LHX6: variants seen among roughly 807,000 people sequenced by gnomAD.
LHX6 encodes the protein LIM/homeobox protein Lhx6.
LHX6 carries 15 observed loss-of-function variants against 47.1 expected under a neutral mutation model. The ratio of observed to expected loss-of-function variants is 0.32; its 90% CI spans 0.21 to 0.49. The LOEUF is 0.49. LHX6 is among the 20% of genes least tolerant of loss of function. The pLI is 0.99. For synonymous variants in LHX6, 242 were observed against 233.5 expected (o/e 1.04, Z -0.33); for missense variants, 404 against 539.6 (o/e 0.75, Z 2.49).
chr9:122,208,834 TAAAAAAAA>T (rs34355404), intron 9 of LHX6, among the ~76,000 whole-genome samples: 5 of 117,298 alleles, frequency 4.3e-5, no homozygotes, highest in Non-Finnish European at 1.7e-5. Flanking sequence ...AAACTCTGTC[TAAAAAAAA>T]AAAAAAAAAA....
chr9:122,224,314 C>T (rs559415590), intron 4 of LHX6, among the ~76,000 whole-genome samples: 2 of 152,160 alleles, frequency 1.3e-5, no homozygotes, highest in Non-Finnish European at 2.9e-5. Flanking sequence ...TGTGAGCCAC[C>T]ACACCCGGCC....
intron 1 of LHX6, chr9:122,228,188 C>T: frequency 1.5e-6 from 2 of 1,360,334 alleles, no homozygotes; most frequent in South Asian, 1.2e-5. Context: ...GAGGGCCAGT[C>T]GGAGGGAAAC....
At chr9:122,221,638 C>T (rs1588356464) in intron 4 of LHX6, 1 of 985,398 alleles carries the variant, frequency 1.0e-6, no homozygotes, top group Non-Finnish European at 1.2e-6. Flanking sequence ...GGCAGGAGGG[C>T]CAGGGACCGC....
intron 1 of LHX6, 180 bp downstream of exon 1, chr9:122,228,477 C>G: frequency 7.3e-7 from 1 of 1,361,942 alleles, no homozygotes; most frequent in Non-Finnish European, 9.4e-7. Flanking sequence ...TGTGTTCCCG[C>G]TTTCCGCGAC....
At chr9:122,227,756 C>T (rs932701551) in intron 1 of LHX6, 2 of 512,124 alleles carry the variant, frequency 3.9e-6, no homozygotes, top group East Asian at 7.9e-5. Flanking sequence ...CAATCCAAGC[C>T]TCTGAGGGGG....
At position 122,217,192 on chromosome 9, in the gene LHX6, G is replaced by A. The variant is rs116345380; in HGVS notation, c.558C>T (p.Phe186=). 30 of 1,614,232 alleles carry A rather than the reference G, an allele frequency of 1.9e-5. No individual in the cohort carries two copies. In the African/African-American group the frequency reaches 3.5e-4, roughly 19 times the overall value. The stretch of plus-strand genomic sequence containing the variant: ...GCTGGCGCTTGCACGAGAAGCAGGC[G>A]AAGCAGGCCAGGTGGTAGGCGTTGC... ...ARGNAYHLAC[F]ACFSCKRQLS... Residue 186 remains phenylalanine, a synonymous_variant, in exon 5 of 10, where the codon TTC becomes TTT. Coordinates refer to ENST00000394319, the MANE Select transcript of LHX6 (RefSeq NM_014368.5). The surrounding 1 kb of genome is among the most constrained non-coding windows in gnomAD (Gnocchi z 4.9).
At chr9:122,206,630 A>T (rs2118821076) in intron 9 of LHX6, among the ~76,000 whole-genome samples, 1 of 152,320 alleles carries the variant, frequency 6.6e-6, no homozygotes, top group African/African-American at 2.4e-5. Flanking sequence ...AGCCCCCAGC[A>T]TGGCTCATCC....
chr9:122,223,559 A>G (rs900082298), intron 4 of LHX6, among the ~76,000 whole-genome samples: 1 of 152,150 alleles, frequency 6.6e-6, no homozygotes, highest in Non-Finnish European at 1.5e-5. Flanking sequence ...GCTCTGGGAG[A>G]CAGCCTTGGA....
Position 122,214,131 on chromosome 9 carries a change from C to T in LHX6, c.784-62G>A. ...AGAGACTCCGAGACCCCGGCCCAATCAGCGGCGCCAGTCCACAGGCCACGC... is the reference window on the plus strand; with the variant it reads ...AGAGACTCCGAGACCCCGGCCCAATTAGCGGCGCCAGTCCACAGGCCACGC... On this transcript the variant is annotated intron_variant, in intron 6 of 9. Coordinates refer to ENST00000394319, the MANE Select transcript of LHX6 (RefSeq NM_014368.5). This position sits in a 1 kb window ranked among gnomAD's most constrained non-coding sequence, Gnocchi z 4.6. The T allele has an allele frequency of 2.7e-6, 4 of 1,497,632 alleles. No homozygotes were observed. Among genetic ancestry groups the T allele is most frequent in the Middle Eastern group, 2.2e-4 (1 of 4,498 alleles). 92.8% of individuals were successfully genotyped at this position (1,497,632 alleles called of 1,614,324 possible).
At chr9:122,220,345 T>C (rs1264608586) in intron 4 of LHX6, among the ~76,000 whole-genome samples, 1 of 152,130 alleles carries the variant, frequency 6.6e-6, no homozygotes, top group Admixed American at 6.5e-5. Context: ...GCCAGATCCT[T>C]GAGGTGGGGT....
At position 122,209,934 on chromosome 9, in the gene LHX6, G is replaced by A. The variant is rs370419593; in HGVS notation, c.1055-217C>T. ...CTTGTCGCCCAGGCTGGAGTGCAGTGGCACGATCTTGGCTCACTGCAAGCT... is the reference window on the plus strand; with the variant it reads ...CTTGTCGCCCAGGCTGGAGTGCAGTAGCACGATCTTGGCTCACTGCAAGCT... On this transcript the variant is annotated intron_variant, in intron 8 of 9. Coordinates refer to ENST00000394319, the MANE Select transcript of LHX6 (RefSeq NM_014368.5). Among the ~76,000 whole-genome samples, 4 of 151,864 alleles carry A rather than the reference G, an allele frequency of 2.6e-5. No homozygotes were observed. The East Asian group carries it at 5.8e-4, about 22-fold the overall frequency.
chr9:122,224,302 G>A (rs1187047034), intron 4 of LHX6, among the ~76,000 whole-genome samples: 1 of 152,084 alleles, frequency 6.6e-6, no homozygotes, highest in Non-Finnish European at 1.5e-5. Flanking sequence ...TGCGATTATA[G>A]GTGTGAGCCA....
chr9:122,221,006 C>G (rs1830831351), intron 4 of LHX6: 1 of 844,700 alleles, frequency 1.2e-6, no homozygotes, highest in Non-Finnish European at 1.4e-6. Flanking sequence ...CTTTTCTGTA[C>G]AAGGAAACCA....
chr9:122,221,226 G>A (rs964017531), intron 4 of LHX6: 10 of 984,676 alleles, frequency 1.0e-5, no homozygotes, highest in Admixed American at 6.2e-5. Context: ...GCCAGAGGGG[G>A]AAAAAAAACC....
chr9:122,214,452 G>A lies in LHX6; in HGVS notation c.683-69C>T. 3 of 1,442,904 alleles carry A rather than the reference G, an allele frequency of 2.1e-6. No homozygotes were observed. The highest frequency in any genetic ancestry group is 3.0e-5 in the African/African-American group (2 of 67,598). The allele number at this position is 1,442,904 out of a possible 1,614,324, so 89.4% of individuals were successfully genotyped here. ...TAGTGGCAGCCTGGAAAGGACGGGGGTGGGGGGAGCTTGTCCCTGGAAGGG... is the reference window on the plus strand; with the variant it reads ...TAGTGGCAGCCTGGAAAGGACGGGGATGGGGGGAGCTTGTCCCTGGAAGGG... On this transcript the variant is annotated intron_variant, in intron 5 of 9. Coordinates refer to ENST00000394319, the MANE Select transcript of LHX6 (RefSeq NM_014368.5). The surrounding 1 kb of genome is among the most constrained non-coding windows in gnomAD (Gnocchi z 4.6).
chr9:122,208,081 A>G (rs562117609), intron 9 of LHX6, among the ~76,000 whole-genome samples: 2 of 152,072 alleles, frequency 1.3e-5, no homozygotes, highest in Non-Finnish European at 2.9e-5. Context: ...GAAGACTGCT[A>G]CAGTGATGTT....
chr9:122,212,201 G>A (rs919286614), intron 8 of LHX6, among the ~76,000 whole-genome samples: 13 of 152,174 alleles, frequency 8.5e-5, no homozygotes, highest in African/African-American at 2.7e-4. Context: ...ATGAGGGAAT[G>A]AGTATGCAAG....
At chr9:122,225,681 G>T (rs968171963) in intron 4 of LHX6, among the ~76,000 whole-genome samples, 15 of 152,274 alleles carry the variant, frequency 9.9e-5, no homozygotes, top group South Asian at 2.1e-4. Flanking sequence ...AGCGAAGCTG[G>T]GACTGGAACA....
intron 9 of LHX6, among the ~76,000 whole-genome samples, chr9:122,205,817 C>A (rs1251702458): frequency 6.6e-6 from 1 of 152,076 alleles, no homozygotes; most frequent in Non-Finnish European, 1.5e-5. Flanking sequence ...CTATTATTAT[C>A]CCCAGTTTGC....
Sources: gnomAD v4.1 joint callset for allele counts (sites outside exome capture counted in the v4.1 genomes callset) on GRCh38, gnomAD v4.1.1 for gene constraint, Gnocchi (gnomAD v3.1) non-coding constraint, MANE v1.5 for transcripts, NCBI Gene and HGNC (gene_info 2026-07-23, HGNC 2026-07-21) for gene names.